Variants in FBXO4 observed in about 807,000 individuals in gnomAD.
The protein encoded by FBXO4 is F-box only protein 4.
In FBXO4, 36 loss-of-function variants were observed where a neutral mutation model predicts 43.7. The ratio of observed to expected loss-of-function variants is 0.82; its 90% confidence interval spans 0.63 to 1.09. The LOEUF is 1.09. Ranked by LOEUF, FBXO4 falls within the 50% of genes least tolerant of loss-of-function variation. FBXO4 has a pLI of 0.00. For missense variants in FBXO4, 435 were observed against 474.1 expected, an observed-to-expected ratio of 0.92 and a Z score of 0.77; for synonymous variants, 180 against 165.6, an observed-to-expected ratio of 1.09 and a Z score of -0.67.
chr5:42,004,875 G>T, the FBXO4 span, among the ~76,000 whole-genome samples: 1 of 152,126 alleles, frequency 6.6e-6, no homozygotes, highest in Non-Finnish European at 1.5e-5. Flanking sequence ...TTTACAGTTG[G>T]AATGGACACT....
chr5:42,032,812 C>T, the FBXO4 span, among the ~76,000 whole-genome samples: 2 of 152,146 alleles, frequency 1.3e-5, no homozygotes, highest in Admixed American at 1.3e-4. Flanking sequence ...AGTTTTACAC[C>T]ATAGCCACTA....
At chr5:41,947,178 G>A in the FBXO4 span, among the ~76,000 whole-genome samples, 1 of 152,102 alleles carries the variant, frequency 6.6e-6, no homozygotes, top group South Asian at 2.1e-4. Context: ...AATGAGACTG[G>A]GGCAAATGAA....
Position 41,927,080 on chromosome 5 carries a change from A to G in FBXO4, c.257A>G (p.Asn86Ser). ...PHDLCQLGST[N>S]HYWNETVRDP... ...GATCTGTGTCAGTTGGGAAGTACAA[A>G]TCATTATTGGAATGAAACTGTAAGA... The change falls in exon 2 of 7, where the codon AAT becomes AGT. Residue 86 changes from asparagine (N) to serine (S), a missense_variant. Coordinates refer to ENST00000281623, the MANE Select transcript of FBXO4 (RefSeq NM_012176.3). The G allele has an allele frequency of 6.2e-7, 1 of 1,613,900 alleles. No homozygotes were observed. Among genetic ancestry groups the G allele is most frequent in the Non-Finnish European group, 8.5e-7 (1 of 1,179,912 alleles).
chr5:42,014,071 C>T, the FBXO4 span, among the ~76,000 whole-genome samples: 8 of 152,204 alleles, frequency 5.3e-5, no homozygotes, highest in South Asian at 4.1e-4. Context: ...GAAAGACAGA[C>T]GCTTGACTTG....
chr5:42,017,219 C>T, the FBXO4 span, among the ~76,000 whole-genome samples: 13 of 151,594 alleles, frequency 8.6e-5, no homozygotes, highest in African/African-American at 2.9e-4. Context: ...GTTTATGAGA[C>T]AAATCTAAAA....
intron 3 of FBXO4, chr5:41,930,166 A>G (rs1167137131): frequency 1.2e-4 from 51 of 432,170 alleles, no homozygotes; most frequent in Non-Finnish European, 8.2e-5. Context: ...ATTTGTTGTC[A>G]AGATGTTGCA....
At chr5:42,022,148 A>G in the FBXO4 span, among the ~76,000 whole-genome samples, 1 of 152,166 alleles carries the variant, frequency 6.6e-6, no homozygotes, top group Admixed American at 6.6e-5. Flanking sequence ...TGTGTGCAGC[A>G]GACTGTGTCC....
At chr5:41,989,463 G>T in the FBXO4 span, among the ~76,000 whole-genome samples, 7 of 152,160 alleles carry the variant, frequency 4.6e-5, no homozygotes, top group Admixed American at 3.9e-4. Flanking sequence ...TGTAGAGAAA[G>T]ATGAGAAAAA....
Position 41,927,140 on chromosome 5 carries a change from A to T in FBXO4, c.317A>T (p.Asp106Val). The change falls in exon 2 of 7, where the codon GAT (aspartate) becomes GTT (valine). Residue 106 changes from aspartate to valine, a missense_variant. By Grantham distance (152) the Asp-to-Val change is radical. Transcript: ENST00000281623. ...CTGTGGAGATACTTTTTGTTGAGGG[A>T]TCTTCCTTCTTGGTCTTCTGTTGAC... ...PILWRYFLLR[D>V]LPSWSSVDWK... 3.1e-6 allele frequency: 5 copies of T among 1,613,824 alleles called. No individual in the cohort carries two copies. The highest frequency in any genetic ancestry group is 4.2e-6 in the Non-Finnish European group (5 of 1,179,856).
the FBXO4 span, among the ~76,000 whole-genome samples, chr5:42,039,302 T>G: frequency 5.9e-5 from 9 of 152,076 alleles, no homozygotes; most frequent in Non-Finnish European, 8.8e-5. Flanking sequence ...GAGTGAGACT[T>G]CATGAAAATG....
chr5:42,026,966 C>A, the FBXO4 span, among the ~76,000 whole-genome samples: 1 of 151,710 alleles, frequency 6.6e-6, no homozygotes, highest in Non-Finnish European at 1.5e-5. Context: ...TTGTTGAGGA[C>A]TTTTGCATCA....
the FBXO4 span, among the ~76,000 whole-genome samples, chr5:41,953,035 G>A: frequency 6.6e-6 from 1 of 151,522 alleles, no homozygotes; most frequent in Non-Finnish European, 1.5e-5. Flanking sequence ...TAGGGTACAT[G>A]TGCACAATGT....
the FBXO4 span, among the ~76,000 whole-genome samples, chr5:42,000,604 C>G: frequency 6.6e-6 from 1 of 151,928 alleles, no homozygotes; most frequent in African/African-American, 2.4e-5. Flanking sequence ...TCTAATTTTC[C>G]TGTTTTCCTT....
chr5:42,038,078 G>A, the FBXO4 span, among the ~76,000 whole-genome samples: 9 of 152,188 alleles, frequency 5.9e-5, no homozygotes, highest in East Asian at 1.5e-3. Flanking sequence ...CGGTGTGCCC[G>A]TTAAAAGAGA....
the FBXO4 span, among the ~76,000 whole-genome samples, chr5:42,003,947 T>A: frequency 6.6e-6 from 1 of 152,164 alleles, no homozygotes; most frequent in Non-Finnish European, 1.5e-5. Context: ...GCGGCAATAT[T>A]CACAAGAGGA....
chr5:41,998,037 G>A, the FBXO4 span, among the ~76,000 whole-genome samples: 2 of 152,238 alleles, frequency 1.3e-5, no homozygotes, highest in South Asian at 4.2e-4. Flanking sequence ...GGATGCAGCA[G>A]GCTCCCTATC....
At chr5:42,040,270 T>C in the FBXO4 span, among the ~76,000 whole-genome samples, 3 of 152,224 alleles carry the variant, frequency 2.0e-5, no homozygotes, top group African/African-American at 7.2e-5. Flanking sequence ...GTTTTTATTT[T>C]CTTTCCCCAC....
chr5:41,964,574 A>AAC, the FBXO4 span, among the ~76,000 whole-genome samples: 2 of 149,866 alleles, frequency 1.3e-5, no homozygotes, highest in Admixed American at 1.4e-4. Flanking sequence ...AAGCCACAAA[A>AAC]TGATTTTCAA....
chr5:42,031,639 A>T, the FBXO4 span, among the ~76,000 whole-genome samples: 1 of 152,032 alleles, frequency 6.6e-6, no homozygotes, highest in African/African-American at 2.4e-5. Context: ...CAAACAAACA[A>T]AAAAAGAAAG....
Sources: allele counts gnomAD v4.1 joint callset (sites outside exome capture counted in the v4.1 genomes callset), GRCh38; gene constraint gnomAD v4.1.1; transcripts MANE v1.5; gene names NCBI Gene and HGNC (gene_info 2026-07-23, HGNC 2026-07-21).